The following DAB2IP variants were observed in gnomAD, a reference collection of about 807,000 sequenced individuals.
DAB2IP encodes DAB2 interacting protein.
A neutral mutation model predicts 107.2 loss-of-function variants in DAB2IP; 28 were observed. That is an observed-to-expected ratio of 0.26 (90% CI 0.19 to 0.36). DAB2IP has a LOEUF of 0.36. Ranked by LOEUF, DAB2IP falls within the 10% of genes least tolerant of loss-of-function variation. DAB2IP has a pLI of 1.00. For synonymous variants in DAB2IP, 755 were observed against 706.4 expected (o/e 1.07, Z -1.09); for missense variants, 1,400 against 1,644.7 (o/e 0.85, Z 2.57).
chr9:121,759,999 C>T (rs756062570), exon 6 of DAB2IP: 20 of 1,614,096 alleles, frequency 1.2e-5, no homozygotes, highest in South Asian at 2.2e-5. Flanking sequence ...GCTCTATGCC[C>T]GCACCACGGG....
intron 3 of DAB2IP, among the ~76,000 whole-genome samples, chr9:121,716,562 C>G (rs1298016905): frequency 6.6e-6 from 1 of 152,208 alleles, no homozygotes; most frequent in East Asian, 1.9e-4. Context: ...TTCACATAAA[C>G]AGCAGGGCCC....
chr9:121,746,924 C>T (rs1192443600), intron 3 of DAB2IP, among the ~76,000 whole-genome samples: 3 of 152,092 alleles, frequency 2.0e-5, no homozygotes, highest in Non-Finnish European at 4.4e-5. Context: ...TGGGTGTGTT[C>T]ACATGTGAGG....
chr9:121,696,251 C>G (rs949083284), intron 2 of DAB2IP, among the ~76,000 whole-genome samples: 2 of 152,216 alleles, frequency 1.3e-5, no homozygotes. Flanking sequence ...CCTTAGCTGT[C>G]TTCTCTTGCA....
chr9:121,646,083 G>A (rs1256293994), intron 1 of DAB2IP, among the ~76,000 whole-genome samples: 4 of 152,186 alleles, frequency 2.6e-5, no homozygotes, highest in African/African-American at 4.8e-5. Flanking sequence ...CCGAGGCTCT[G>A]TCTCTGTGTG....
intron 1 of DAB2IP, among the ~76,000 whole-genome samples, chr9:121,616,954 TA>T (rs1047994690): frequency 6.6e-6 from 1 of 152,116 alleles, no homozygotes; most frequent in African/African-American, 2.4e-5. Context: ...CCTGGCTTAA[TA>T]GGGGGACAGA....
At chr9:121,573,803 C>A (rs1288156587) in intron 1 of DAB2IP, among the ~76,000 whole-genome samples, 2 of 152,160 alleles carry the variant, frequency 1.3e-5, no homozygotes, top group East Asian at 3.8e-4. Flanking sequence ...AGTGAGTGCA[C>A]TGATTTGAAC....
intron 1 of DAB2IP, among the ~76,000 whole-genome samples, chr9:121,590,930 C>T (rs1286638069): frequency 6.6e-6 from 1 of 152,164 alleles, no homozygotes; most frequent in Non-Finnish European, 1.5e-5. Context: ...CTGCAACGGA[C>T]ACCATAAAGG....
intron 11 of DAB2IP, among the ~76,000 whole-genome samples, chr9:121,771,347 C>A (rs1834713700): frequency 6.6e-6 from 1 of 152,182 alleles, no homozygotes; most frequent in Non-Finnish European, 1.5e-5. Context: ...TCTACCCCTA[C>A]TCTCCCCTCT....
chr9:121,736,160 G>T lies in DAB2IP; in HGVS notation c.363-20853G>T, dbSNP rs997263057. ...CCCTGGCCTTGTCTGGACCTCAGTTGTGTTCACTTGTTAAAATGTTGGAAT... is the reference window on the plus strand; with the variant it reads ...CCCTGGCCTTGTCTGGACCTCAGTTTTGTTCACTTGTTAAAATGTTGGAAT... On this transcript the variant is annotated intron_variant, in intron 3 of 15. Transcript: ENST00000408936. This position sits in a 1 kb window ranked among gnomAD's most constrained non-coding sequence, Gnocchi z 4.6. Among the ~76,000 whole-genome samples the T allele has an allele frequency of 6.6e-6, 1 of 152,250 alleles. No homozygotes were observed. The highest frequency in any genetic ancestry group is 2.4e-5 in the African/African-American group (1 of 41,472).
chr9:121,707,733 G>T (rs1019541451), intron 3 of DAB2IP, among the ~76,000 whole-genome samples: 1 of 152,236 alleles, frequency 6.6e-6, no homozygotes, highest in Non-Finnish European at 1.5e-5. Flanking sequence ...TTCATGCTCT[G>T]CCTTTTTGAC....
intron 2 of DAB2IP, among the ~76,000 whole-genome samples, chr9:121,685,598 C>T (rs946795287): frequency 2.0e-5 from 3 of 152,260 alleles, no homozygotes; most frequent in East Asian, 1.9e-4. Context: ...GCCCAGCTCT[C>T]GTCTGCGAGC....
intron 1 of DAB2IP, among the ~76,000 whole-genome samples, chr9:121,652,434 A>T (rs1202121721): frequency 6.6e-6 from 1 of 152,046 alleles, no homozygotes; most frequent in Non-Finnish European, 1.5e-5. Context: ...GACGAGACGG[A>T]GGGGGAGGTG....
chr9:121,647,794 TATATATACCC>T (rs1415158476), upstream of DAB2IP, among the ~76,000 whole-genome samples: 1 of 150,642 alleles, frequency 6.6e-6, no homozygotes, highest in African/African-American at 2.4e-5. Flanking sequence ...CATATATACG[TATATATACCC>T]ATATATACAC....
At chr9:121,678,350 T>A (rs1828387897) in intron 1 of DAB2IP, among the ~76,000 whole-genome samples, 1 of 152,256 alleles carries the variant, frequency 6.6e-6, no homozygotes, top group South Asian at 2.1e-4. Flanking sequence ...ATGGTATTCC[T>A]TTGCATGTCA....
chr9:121,693,720 C>T (rs1287802725), intron 2 of DAB2IP, among the ~76,000 whole-genome samples: 2 of 152,186 alleles, frequency 1.3e-5, no homozygotes, highest in Non-Finnish European at 2.9e-5. Flanking sequence ...TCTGCAGCAG[C>T]CCAGGTCAGT....
intron 1 of DAB2IP, among the ~76,000 whole-genome samples, chr9:121,572,423 A>G (rs1270147602): frequency 6.6e-6 from 1 of 152,262 alleles, no homozygotes; most frequent in East Asian, 1.9e-4. Flanking sequence ...TGAATGAATG[A>G]ATAAGTGAGC....
intron 1 of DAB2IP, among the ~76,000 whole-genome samples, chr9:121,572,765 G>A (rs904410209): frequency 6.6e-6 from 1 of 152,112 alleles, no homozygotes; most frequent in Non-Finnish European, 1.5e-5. Flanking sequence ...TGTCAGGGGA[G>A]TCTGTGACTC....
intron 1 of DAB2IP, among the ~76,000 whole-genome samples, chr9:121,640,408 G>A (rs1832242857): frequency 6.6e-6 from 1 of 152,136 alleles, no homozygotes; most frequent in Admixed American, 6.5e-5. Context: ...CAAGAAATGC[G>A]ACATCAGAGA....
intron 1 of DAB2IP, among the ~76,000 whole-genome samples, chr9:121,617,763 G>T (rs951044578): frequency 6.6e-5 from 10 of 152,232 alleles, no homozygotes; most frequent in African/African-American, 1.9e-4. Flanking sequence ...GTGGGGCAAG[G>T]CCTCATACCC....
Sources: gnomAD v4.1 joint callset for allele counts (sites outside exome capture counted in the v4.1 genomes callset) on GRCh38, gnomAD v4.1.1 for gene constraint, Gnocchi (gnomAD v3.1) non-coding constraint, MANE v1.5 for transcripts, NCBI Gene and HGNC (gene_info 2026-07-23, HGNC 2026-07-21) for gene names.